The following CIITA variants were observed in gnomAD, a reference collection of about 807,000 sequenced individuals.
CIITA encodes the protein class II major histocompatibility complex transactivator, also known as MHC class II transactivator.
Under a neutral mutation model 115.1 loss-of-function variants are expected in CIITA, and 72 were observed. That is an observed-to-expected ratio of 0.63 (90% CI 0.52 to 0.76). The LOEUF is 0.76. Among genes scored for constraint, CIITA ranks in the 30% least tolerant of loss-of-function variants. The probability of loss-of-function intolerance (pLI) is 0.00; values close to 1 mark genes in which losing one functional copy is unlikely to be tolerated. For synonymous variants in CIITA, 763 were observed against 635.6 expected (o/e 1.20, Z -3.02); for missense variants, 1,617 against 1,463.8 (o/e 1.10, Z -1.71).
In CIITA at chr16:10,877,237, A is replaced by C; in HGVS notation, c.-94A>C. On this transcript the variant is annotated 5_prime_UTR_variant, in exon 1 of 20. Transcript: ENST00000324288. ...CTAGTGATGAGGCTGTGTGCTTCTG[A>C]GCTGGGCATCCGAAGGCATCCTTGG... 2 of 1,101,984 alleles carry C rather than the reference A, an allele frequency of 1.8e-6. No individual in the cohort carries two copies. Among genetic ancestry groups the C allele is most frequent in the Non-Finnish European group, 2.7e-6 (2 of 735,032 alleles). The allele number at this position is 1,101,984 out of a possible 1,614,324, so 68.3% of individuals were successfully genotyped here.
At chr16:10,915,419 G>T (rs190143942) in intron 13 of CIITA, 151 bp from the exon 14 acceptor site, 5 of 702,098 alleles carry the variant, frequency 7.1e-6, no homozygotes, top group Admixed American at 4.1e-5. Context: ...TACGTGGAAG[G>T]GTTGCAGGGA....
At chr16:10,866,567 A>G (rs751654875) in intron 1 of CIITA, 1 of 538,926 alleles carries the variant, frequency 1.9e-6, no homozygotes, top group South Asian at 1.4e-5. Flanking sequence ...CACAGTGACC[A>G]TGGTGGTAAG....
intron 1 of CIITA, chr16:10,866,436 T>G (rs377485080): frequency 1.8e-6 from 1 of 565,658 alleles, no homozygotes; most frequent in Non-Finnish European, 3.5e-6. Flanking sequence ...ATGAGCCTGA[T>G]AGTGAGGCTC....
At chr16:10,902,276 C>G (rs979435819) in intron 7 of CIITA, 92 bp downstream of exon 7, 3 of 1,528,408 alleles carry the variant, frequency 2.0e-6, no homozygotes, top group Non-Finnish European at 2.7e-6. Context: ...AGGAACTGGA[C>G]CTCACCTCTC....
rs538956278 is a variant in CIITA, at chr16:10,868,636, G to A, written c.-21+2317G>A. Among the ~76,000 whole-genome samples, 9 of 152,286 alleles carry A rather than the reference G, an allele frequency of 5.9e-5. No individual in the cohort carries two copies. The South Asian group carries it at 6.2e-4, about 11-fold the overall frequency. ...TTGATGGTGGCACAGATGCCACCTG[G>A]GGGAGAAGCCAGAACCTTCCTCTCT... On this transcript the variant is annotated intron_variant, in intron 1 of 5. Coordinates refer to the CIITA transcript ENST00000636238.
At position 10,904,737 on chromosome 16, in the gene CIITA, T is replaced by A; in HGVS notation, c.938-7T>A. On this transcript the variant is annotated splice_polypyrimidine_tract_variant and splice_region_variant and intron_variant, in intron 9 of 19. Transcript: ENST00000324288. ...CCTAAATCTGGCACCTGCTTCTCCA[T>A]CTCCAGAGCACAAGACGTCCCCCAC... 6.2e-7 allele frequency: 1 copy of A among 1,613,984 alleles called. No individual in the cohort carries two copies. The highest frequency in any genetic ancestry group is 8.5e-7 in the Non-Finnish European group (1 of 1,179,936).
Position 10,929,111 on chromosome 16 carries a change from C to T in CIITA, c.*5256C>T. The T allele has an allele frequency of 2.8e-6, 2 of 716,174 alleles. No homozygotes were observed. The highest frequency in any genetic ancestry group is 3.4e-6 in the Non-Finnish European group (2 of 584,122). 44.4% of individuals were successfully genotyped at this position (716,174 alleles called of 1,614,324 possible). Reference sequence around the variant, plus strand: ...GAGCGAGAATCCCACCCTCAGCCCCCCAACAGCTTCCTCAGCTTCTTTTTC... The same window carrying T: ...GAGCGAGAATCCCACCCTCAGCCCCTCAACAGCTTCCTCAGCTTCTTTTTC... On this transcript the variant is annotated 3_prime_UTR_variant, in exon 20 of 20. Coordinates refer to ENST00000324288, the MANE Select transcript of CIITA (RefSeq NM_000246.4). The surrounding 1 kb of genome is among the most constrained non-coding windows in gnomAD (Gnocchi z 4.3).
chr16:10,871,162 A>G (rs567972221), intron 1 of CIITA, among the ~76,000 whole-genome samples: 1 of 152,352 alleles, frequency 6.6e-6, no homozygotes, highest in East Asian at 1.9e-4. Flanking sequence ...TGGAGATGAT[A>G]ATAGCATTCA....
At position 10,906,751 on chromosome 16, in the gene CIITA, G is replaced by T; in HGVS notation, c.1259G>T (p.Gly420Val). The T allele has an allele frequency of 6.2e-7, 1 of 1,610,806 alleles. No individual in the cohort carries two copies. The highest frequency in any genetic ancestry group is 8.5e-7 in the Non-Finnish European group (1 of 1,179,734). The change falls in exon 11 of 20, where the codon GGC (glycine) becomes GTC (valine). Residue 420 changes from glycine (G) to valine (V), a missense_variant. Coordinates refer to ENST00000324288, the MANE Select transcript of CIITA (RefSeq NM_000246.4). ...GAGACACGAGTGATTGCTGTGCTGG[G>T]CAAAGCTGGTCAGGGCAAGAGCTAT... is the stretch of plus-strand genomic sequence containing the variant. ...PRETRVIAVL[G>V]KAGQGKSYWA...
In CIITA at chr16:10,936,223, A is replaced by C. The variant is rs1235356545; in HGVS notation, c.*12368A>C. On this transcript the variant is annotated 3_prime_UTR_variant, in exon 20 of 20. Transcript: ENST00000324288. Reference sequence around the variant, plus strand: ...GTTGCCCAGGCTGGTTTCAAACTCAAGTGATCCTTCCACCTCAGCCTCTAT... The same window carrying C: ...GTTGCCCAGGCTGGTTTCAAACTCACGTGATCCTTCCACCTCAGCCTCTAT... 6.6e-6 allele frequency: 1 copy of C among 152,036 alleles called. No individual in the cohort carries two copies. Among genetic ancestry groups the C allele is most frequent in the African/African-American group, 2.4e-5 (1 of 41,376 alleles). 9.4% of individuals were successfully genotyped at this position (152,036 alleles called of 1,614,324 possible).
At chr16:10,904,680 G>A in intron 9 of CIITA, 64 bp from the exon 10 acceptor site, 1 of 1,580,634 alleles carries the variant, frequency 6.3e-7, no homozygotes, top group Non-Finnish European at 8.7e-7. Context: ...AAGTGGCCCA[G>A]AGGGAGGGGG....
chr16:10,884,255 G>A (rs2036709355), intron 1 of CIITA, among the ~76,000 whole-genome samples: 1 of 151,608 alleles, frequency 6.6e-6, no homozygotes, highest in Non-Finnish European at 1.5e-5. Flanking sequence ...GTTTGCCAGA[G>A]GCTGGTTGGT....
At chr16:10,910,788 G>T (rs1420789141) in intron 13 of CIITA, among the ~76,000 whole-genome samples, 1 of 152,240 alleles carries the variant, frequency 6.6e-6, no homozygotes, top group Non-Finnish European at 1.5e-5. Context: ...GCCAGGAACT[G>T]CACAACGTCC....
Position 10,923,471 on chromosome 16 carries a change from A to T in CIITA, c.*22+146A>T. 3.0e-6 allele frequency: 2 copies of T among 671,396 alleles called. No homozygotes were observed. The highest frequency in any genetic ancestry group is 5.4e-6 in the Non-Finnish European group (2 of 373,412). The allele number at this position is 671,396 out of a possible 1,614,324, so 41.6% of individuals were successfully genotyped here. A position where few individuals can be genotyped will look rare whatever the true frequency, so the allele number is the denominator to read the frequency against. On this transcript the variant is annotated intron_variant, in intron 19 of 19. Transcript: ENST00000324288. This position sits in a 1 kb window ranked among gnomAD's most constrained non-coding sequence, Gnocchi z 5.2. ...CATGCGTCATCAGAGACATCCCCTCATCTCCACCCTGGGCTCGGTGGAGCT... is the reference window on the plus strand; with the variant it reads ...CATGCGTCATCAGAGACATCCCCTCTTCTCCACCCTGGGCTCGGTGGAGCT...
chr16:10,877,495 G>A lies in CIITA; in HGVS notation c.52+113G>A, dbSNP rs2143441338. 2.7e-6 allele frequency: 3 copies of A among 1,108,818 alleles called. No homozygotes were observed. In the East Asian group the frequency reaches 7.7e-5, roughly 28 times the overall value. 68.7% of individuals were successfully genotyped at this position (1,108,818 alleles called of 1,614,324 possible). Reference sequence around the variant, plus strand: ...GGGGATGGGGGTGAGGATGGGAACAGGAGTCTGTGTCCTGCTGGGGCAGGC... The same window carrying A: ...GGGGATGGGGGTGAGGATGGGAACAAGAGTCTGTGTCCTGCTGGGGCAGGC... On this transcript the variant is annotated intron_variant, in intron 1 of 19. Transcript: ENST00000324288.
Position 10,930,767 on chromosome 16 carries a change from T to G in CIITA, c.*6912T>G, listed in dbSNP as rs1486718212. ...CCCGCCCCATTCCCTCCACTCACTC[T>G]TCCTTGCAGGTCGACCTGCCCTTCT... On this transcript the variant is annotated 3_prime_UTR_variant, in exon 20 of 20. Coordinates refer to ENST00000324288, the MANE Select transcript of CIITA (RefSeq NM_000246.4). 6.6e-6 allele frequency: 1 copy of G among 152,302 alleles called. No individual in the cohort carries two copies. Among genetic ancestry groups the G allele is most frequent in the Non-Finnish European group, 1.5e-5 (1 of 68,102 alleles). The allele number at this position is 152,302 out of a possible 1,614,324, so 9.4% of individuals were successfully genotyped here.
Position 10,909,174 on chromosome 16 carries a change from G to T in CIITA, c.2803G>T (p.Val935Leu). Residue 935 changes from valine (V) to leucine (L), a missense_variant, in exon 12 of 20, where the codon GTG becomes TTG. By Grantham distance (32) the Val-to-Leu change is conservative. Transcript: ENST00000324288. ...GGATGTGGAAGACCTGGGAAAGCTTGTGCAGACTCAGAGGTGAGAGGAGAG... is the reference window on the plus strand; with the variant it reads ...GGATGTGGAAGACCTGGGAAAGCTTTTGCAGACTCAGAGGTGAGAGGAGAG... ...LKDVEDLGKL[V>L]QTQRTRSSSE... is the part of the protein sequence containing the mutation. 6.2e-7 allele frequency: 1 copy of T among 1,614,206 alleles called. No homozygotes were observed. Among genetic ancestry groups the T allele is most frequent in the Non-Finnish European group, 8.5e-7 (1 of 1,180,032 alleles).
chr16:10,869,090 T>G (rs1461397450), intron 1 of CIITA, among the ~76,000 whole-genome samples: 1 of 152,240 alleles, frequency 6.6e-6, no homozygotes, highest in African/African-American at 2.4e-5. Context: ...AAATCATCCA[T>G]GTGGGGTTTT....
In CIITA at chr16:10,920,708, G is replaced by A. The variant is rs1379792055; in HGVS notation, c.3150-1459G>A. Among the ~76,000 whole-genome samples the A allele has an allele frequency of 2.6e-5, 4 of 152,106 alleles. No homozygotes were observed. The highest frequency in any genetic ancestry group is 4.1e-4 in the South Asian group (2 of 4,824). On this transcript the variant is annotated intron_variant, in intron 16 of 19. Coordinates refer to ENST00000324288, the MANE Select transcript of CIITA (RefSeq NM_000246.4). The surrounding 1 kb of genome is among the most constrained non-coding windows in gnomAD (Gnocchi z 4.5). ...ATGGTGACATATATGTCTTGGCATCGATGAAATATGGTCAGATTACTCTCC... is the reference window on the plus strand; with the variant it reads ...ATGGTGACATATATGTCTTGGCATCAATGAAATATGGTCAGATTACTCTCC...
Sources: allele counts gnomAD v4.1 joint callset (sites outside exome capture counted in the v4.1 genomes callset), GRCh38; gene constraint gnomAD v4.1.1; non-coding constraint Gnocchi (gnomAD v3.1); transcripts MANE v1.5; gene names NCBI Gene and HGNC (gene_info 2026-07-23, HGNC 2026-07-21).